The following FAM13A variants were observed in gnomAD, a reference collection of about 807,000 sequenced individuals.
FAM13A encodes the protein family with sequence similarity 13 member A, also known as protein FAM13A.
Under a neutral mutation model 129.6 loss-of-function variants are expected in FAM13A, and 76 were observed. That is an observed-to-expected ratio of 0.59 (90% CI 0.49 to 0.71). The LOEUF (loss-of-function observed/expected upper bound fraction) is 0.71, where lower values mean the gene tolerates loss of function less well. FAM13A is among the 30% of genes least tolerant of loss of function. The pLI, the probability that FAM13A is intolerant of heterozygous loss-of-function variation, is 0.00. For synonymous variants in FAM13A, 443 were observed against 449.9 expected (o/e 0.98, Z 0.20); for missense variants, 1,108 against 1,249.3 (o/e 0.89, Z 1.70).
chr4:88,900,573 G>T (rs1195531645), intron 6 of FAM13A, among the ~76,000 whole-genome samples: 1 of 152,026 alleles, frequency 6.6e-6, no homozygotes, highest in Non-Finnish European at 1.5e-5. Context: ...GGAGAAATAA[G>T]ATCCTTTGCA....
chr4:89,039,470 T>G (rs1443793425), intron 1 of FAM13A, among the ~76,000 whole-genome samples: 1 of 152,150 alleles, frequency 6.6e-6, no homozygotes, highest in African/African-American at 2.4e-5. Flanking sequence ...ACAACAAATG[T>G]GCCACACCAA....
At chr4:88,891,151 G>A (rs998054194) in intron 6 of FAM13A, among the ~76,000 whole-genome samples, 22 of 152,170 alleles carry the variant, frequency 1.4e-4, no homozygotes, top group African/African-American at 3.9e-4. Flanking sequence ...GGCCAGGCAC[G>A]GCAGCTCATG....
intron 4 of FAM13A, among the ~76,000 whole-genome samples, chr4:88,969,462 AC>A (rs1759782267): frequency 6.6e-6 from 1 of 152,186 alleles, no homozygotes; most frequent in African/African-American, 2.4e-5. Context: ...AAACTCATAG[AC>A]AGGTTCAGGT....
chr4:88,820,635 G>A (rs573294720), intron 7 of FAM13A, among the ~76,000 whole-genome samples: 3 of 152,230 alleles, frequency 2.0e-5, no homozygotes, highest in East Asian at 3.9e-4. Context: ...CTTTATAAGC[G>A]CTATAATCAT....
chr4:88,909,407 G>GA lies in FAM13A; in HGVS notation c.760-2946dup, dbSNP rs1579226253. Among the ~76,000 whole-genome samples, 4 of 152,296 alleles carry GA rather than the reference G, an allele frequency of 2.6e-5. No homozygotes were observed. The East Asian group carries it at 7.7e-4, about 29-fold the overall frequency. Reference sequence around the variant, plus strand: ...CAGAATAGGCAAATACTTAGTGACAGAAAGTAGATTGGTTATTGCCAGGGG... The same window carrying GA: ...CAGAATAGGCAAATACTTAGTGACAGAAAAGTAGATTGGTTATTGCCAGGGG... On this transcript the variant is annotated intron_variant, in intron 5 of 23. Coordinates refer to ENST00000264344, the MANE Select transcript of FAM13A (RefSeq NM_014883.4).
At chr4:89,050,264 T>C (rs1771400898) in intron 1 of FAM13A, among the ~76,000 whole-genome samples, 1 of 151,954 alleles carries the variant, frequency 6.6e-6, no homozygotes, top group African/African-American at 2.4e-5. Flanking sequence ...CATGCTGGAG[T>C]GCAGTGGTAT....
intron 6 of FAM13A, among the ~76,000 whole-genome samples, chr4:88,885,016 G>C (rs1197333452): frequency 2.6e-5 from 4 of 152,080 alleles, no homozygotes; most frequent in Non-Finnish European, 5.9e-5. Context: ...ACAAACAAAT[G>C]GAAACACATC....
chr4:88,933,886 G>A (rs1164657069), intron 5 of FAM13A, among the ~76,000 whole-genome samples: 1 of 152,178 alleles, frequency 6.6e-6, no homozygotes, highest in East Asian at 1.9e-4. Context: ...TTCACTTAGA[G>A]TAAAAGTCAA....
intron 7 of FAM13A, chr4:88,823,360 A>C: frequency 1.9e-6 from 2 of 1,039,700 alleles, no homozygotes; most frequent in South Asian, 3.8e-5. Context: ...CTGCTCCTCA[A>C]TGGTCCCTCC....
chr4:88,874,081 T>C (rs1382048294), intron 6 of FAM13A, among the ~76,000 whole-genome samples: 2 of 152,102 alleles, frequency 1.3e-5, no homozygotes, highest in African/African-American at 2.4e-5. Context: ...TTCGACAAAA[T>C]TCAACACTGC....
chr4:88,811,677 C>G (rs1285614575), intron 7 of FAM13A, among the ~76,000 whole-genome samples: 3 of 152,110 alleles, frequency 2.0e-5, no homozygotes, highest in African/African-American at 4.8e-5. Context: ...GAAAAGTGAA[C>G]CATGACTGCC....
chr4:88,989,904 A>T (rs1307439464), intron 4 of FAM13A: 1 of 152,192 alleles, frequency 6.6e-6, no homozygotes, highest in Non-Finnish European at 1.5e-5. Flanking sequence ...CACCTTTCTC[A>T]CATGTAAGTC....
intron 19 of FAM13A, among the ~76,000 whole-genome samples, chr4:88,739,794 A>AAC: frequency 6.6e-6 from 1 of 151,428 alleles, no homozygotes; most frequent in Admixed American, 6.6e-5. Flanking sequence ...CTCAAAAAAA[A>AAC]AAAAAAAAAA....
chr4:88,753,104 G>A (rs2149484586), intron 14 of FAM13A, among the ~76,000 whole-genome samples: 1 of 152,328 alleles, frequency 6.6e-6, no homozygotes, highest in South Asian at 2.1e-4. Flanking sequence ...CTTACATCCT[G>A]AAGCCCTTTA....
chr4:88,792,020 G>A (rs1019472772), intron 8 of FAM13A, among the ~76,000 whole-genome samples: 3 of 152,022 alleles, frequency 2.0e-5, no homozygotes, highest in Non-Finnish European at 2.9e-5. Context: ...GAAAAACCAC[G>A]TAAAATCATG....
chr4:88,992,433 G>A (rs1579663741), intron 3 of FAM13A, among the ~76,000 whole-genome samples: 1 of 151,982 alleles, frequency 6.6e-6, no homozygotes, highest in East Asian at 1.9e-4. Context: ...ACCATGCCCG[G>A]CTAATTTTTG....
At position 88,750,520 on chromosome 4, in the gene FAM13A, A is replaced by C. The variant is rs776248746; in HGVS notation, c.1844T>G (p.Met615Arg). Residue 615 changes from methionine (M) to arginine (R), a missense_variant, in exon 15 of 24, where the codon ATG becomes AGG. Met to Arg is a moderately conservative substitution (Grantham distance 91, BLOSUM62 -1). Coordinates refer to ENST00000264344, the MANE Select transcript of FAM13A (RefSeq NM_014883.4). ...ATAAGCGTAGAACCGAGGAGAGAGC[A>C]TGGGGTCGCTGTCTTCGTCCAGCAG... Reference protein sequence around the residue: ...RQLLDEDSDPMLSPRFYAYGQ... With the variant: ...RQLLDEDSDPRLSPRFYAYGQ... 6.2e-7 allele frequency: 1 copy of C among 1,614,160 alleles called. No homozygotes were observed. Among genetic ancestry groups the C allele is most frequent in the South Asian group, 1.1e-5 (1 of 91,092 alleles).
chr4:88,911,880 C>T (rs1203034098), intron 5 of FAM13A, among the ~76,000 whole-genome samples: 2 of 152,222 alleles, frequency 1.3e-5, no homozygotes, highest in Admixed American at 6.5e-5. Context: ...TCCTTTAAAA[C>T]AGCCATCTTC....
intron 7 of FAM13A, among the ~76,000 whole-genome samples, 191 bp downstream of exon 7, chr4:88,850,829 T>G (rs945495445): frequency 2.0e-5 from 3 of 152,184 alleles, no homozygotes; most frequent in African/African-American, 7.2e-5. Flanking sequence ...ACAAAACAAC[T>G]AGAATGCTTC....
Sources: gnomAD v4.1 joint callset for allele counts (sites outside exome capture counted in the v4.1 genomes callset) on GRCh38, gnomAD v4.1.1 for gene constraint, MANE v1.5 for transcripts, NCBI Gene and HGNC (gene_info 2026-07-23, HGNC 2026-07-21) for gene names.